CRPPA: variants seen among roughly 807,000 people sequenced by gnomAD.
CRPPA encodes D-ribitol-5-phosphate cytidylyltransferase.
In CRPPA, 43 loss-of-function variants were observed where a neutral mutation model predicts 52.0. The ratio of observed to expected loss-of-function variants is 0.83; its 90% CI spans 0.65 to 1.07. The LOEUF (loss-of-function observed/expected upper bound fraction) is 1.07. Ranked by LOEUF, CRPPA falls within the 50% of genes least tolerant of loss-of-function variation. CRPPA has a pLI of 0.00. For synonymous variants in CRPPA, 250 were observed against 203.5 expected, an observed-to-expected ratio of 1.23 and a Z score of -1.94; for missense variants, 629 against 551.7, an observed-to-expected ratio of 1.14 and a Z score of -1.40.
At chr7:16,353,861 AAT>A (rs1303531023) in intron 3 of CRPPA, among the ~76,000 whole-genome samples, 4 of 152,098 alleles carry the variant, frequency 2.6e-5, no homozygotes, top group East Asian at 1.9e-4. Flanking sequence ...CAAAAAAAAA[AAT>A]AAAAAAGAAT....
intron 5 of CRPPA, among the ~76,000 whole-genome samples, chr7:16,281,706 T>C (rs955904193): frequency 2.0e-5 from 3 of 152,200 alleles, no homozygotes; most frequent in Admixed American, 2.0e-4. Context: ...TAGAATTCAC[T>C]GGTAAAAGCC....
At chr7:16,124,720 T>C (rs950949134) in intron 9 of CRPPA, among the ~76,000 whole-genome samples, 15 of 152,204 alleles carry the variant, frequency 9.9e-5, no homozygotes, top group African/African-American at 3.4e-4. Flanking sequence ...TTTTGAATAT[T>C]CCAACACACA....
chr7:16,317,251 A>G (rs186548771), intron 3 of CRPPA, among the ~76,000 whole-genome samples: 18 of 152,282 alleles, frequency 1.2e-4, no homozygotes, highest in Non-Finnish European at 2.2e-4. Context: ...CTTCTTCCAC[A>G]TTGGGGAATG....
intron 9 of CRPPA, among the ~76,000 whole-genome samples, chr7:16,185,830 T>C (rs910624217): frequency 5.3e-5 from 8 of 152,158 alleles, no homozygotes; most frequent in Non-Finnish European, 8.8e-5. Context: ...GGCAGTCAAA[T>C]AGTGACTTAC....
At chr7:16,208,764 T>C (rs1429322718) in intron 9 of CRPPA, among the ~76,000 whole-genome samples, 1 of 152,170 alleles carries the variant, frequency 6.6e-6, no homozygotes, top group Non-Finnish European at 1.5e-5. Flanking sequence ...AAGGATATCA[T>C]CTCCAGGTAT....
intron 3 of CRPPA, among the ~76,000 whole-genome samples, chr7:16,333,782 A>G (rs892085037): frequency 1.3e-5 from 2 of 152,190 alleles, no homozygotes; most frequent in African/African-American, 4.8e-5. Context: ...ACTAGCAATT[A>G]TCTGCAGACA....
chr7:16,339,807 T>C (rs1001586837), intron 3 of CRPPA, among the ~76,000 whole-genome samples: 3 of 152,106 alleles, frequency 2.0e-5, no homozygotes, highest in African/African-American at 7.2e-5. Context: ...CAAAAAGAAC[T>C]GGAGTAAGCC....
intron 9 of CRPPA, among the ~76,000 whole-genome samples, chr7:16,120,882 T>TAA (rs1782468161): frequency 6.6e-6 from 1 of 152,130 alleles, no homozygotes. Context: ...TTATTTAAAG[T>TAA]GTATCACAGA....
chr7:16,155,460 G>A (rs1310064142), intron 9 of CRPPA, among the ~76,000 whole-genome samples: 1 of 152,088 alleles, frequency 6.6e-6, no homozygotes, highest in East Asian at 1.9e-4. Flanking sequence ...GAGTGAACTC[G>A]CCTCTCTTGC....
At chr7:16,400,307 G>C (rs1787775437) in intron 2 of CRPPA, among the ~76,000 whole-genome samples, 1 of 152,208 alleles carries the variant, frequency 6.6e-6, no homozygotes, top group Non-Finnish European at 1.5e-5. Flanking sequence ...CACGGAACAT[G>C]ATTGACACTT....
rs57024916 is a variant in CRPPA, at chr7:16,387,044, G to GAT, written c.535-10805_535-10804dup. ...TATTTTTAATTTAAAATAAAAAAAA[G>GAT]ATATATATATATATATATATATATA... On this transcript the variant is annotated intron_variant, in intron 2 of 9. Transcript: ENST00000407010. Among the ~76,000 whole-genome samples the GAT allele has an allele frequency of 6.5e-3, 626 of 95,858 alleles. 1 individual carries two copies. Among genetic ancestry groups the GAT allele is most frequent in the Middle Eastern group, 0.019 (3 of 158 alleles). The allele number at this position is 95,858 out of a possible 152,430, so 62.9% of individuals were successfully genotyped here.
At chr7:16,417,281 T>A (rs1788216906) in intron 1 of CRPPA, among the ~76,000 whole-genome samples, 2 of 152,206 alleles carry the variant, frequency 1.3e-5, no homozygotes, top group African/African-American at 4.8e-5. Flanking sequence ...AACCCAGCAA[T>A]CTCATTAGTG....
intron 9 of CRPPA, among the ~76,000 whole-genome samples, chr7:16,094,404 C>G (rs1257465447): frequency 6.6e-6 from 1 of 152,076 alleles, no homozygotes; most frequent in Non-Finnish European, 1.5e-5. Context: ...CTCAAAATTT[C>G]CTATCTCTAG....
intron 8 of CRPPA, among the ~76,000 whole-genome samples, chr7:16,225,625 T>C (rs930247292): frequency 2.0e-5 from 3 of 151,990 alleles, no homozygotes; most frequent in African/African-American, 7.2e-5. Context: ...TTTTAGTGAA[T>C]TGTCAAAATT....
intron 5 of CRPPA, among the ~76,000 whole-genome samples, chr7:16,284,535 A>AT (rs1479146999): frequency 2.0e-5 from 3 of 152,118 alleles, no homozygotes; most frequent in African/African-American, 7.2e-5. Context: ...TCTCTTTCTT[A>AT]TGGTCTTAAT....
chr7:16,181,879 A>G (rs1583413078), intron 9 of CRPPA, among the ~76,000 whole-genome samples: 1 of 152,024 alleles, frequency 6.6e-6, no homozygotes, highest in Non-Finnish European at 1.5e-5. Context: ...CTTAAATACA[A>G]TCTTTTAACA....
At chr7:16,199,424 A>G in intron 9 of CRPPA, among the ~76,000 whole-genome samples, 1 of 152,208 alleles carries the variant, frequency 6.6e-6, no homozygotes, top group East Asian at 1.9e-4. Flanking sequence ...ATTTAAAAAA[A>G]TCTGTATCAA....
At chr7:16,200,863 C>G (rs761154166) in intron 9 of CRPPA, among the ~76,000 whole-genome samples, 2 of 152,162 alleles carry the variant, frequency 1.3e-5, no homozygotes, top group African/African-American at 2.4e-5. Context: ...ATATCTAATA[C>G]ATAGATATCA....
intron 3 of CRPPA, among the ~76,000 whole-genome samples, chr7:16,337,144 G>C (rs1785702787): frequency 6.6e-6 from 1 of 152,074 alleles, no homozygotes; most frequent in Admixed American, 6.5e-5. Context: ...GACATGTAGA[G>C]AACATTCGGT....
Sources: allele counts gnomAD v4.1 joint callset (sites outside exome capture counted in the v4.1 genomes callset), GRCh38; gene constraint gnomAD v4.1.1; transcripts MANE v1.5; gene names NCBI Gene and HGNC (gene_info 2026-07-23, HGNC 2026-07-21).